Variants in OR14A16 observed in about 807,000 individuals in gnomAD.
OR14A16 encodes the protein olfactory receptor 14A16.
For synonymous variants in OR14A16, 135 were observed against 137.6 expected (o/e 0.98, Z 0.13); for missense variants, 341 against 366.5 (o/e 0.93, Z 0.57).
intron 1 of OR14A16, among the ~76,000 whole-genome samples, chr1:247,822,340 G>A (rs893106369): frequency 4.0e-5 from 6 of 148,554 alleles, no homozygotes; most frequent in African/African-American, 1.2e-4. Flanking sequence ...GGATGCTGGC[G>A]AAAACTAACA....
intron 1 of OR14A16, among the ~76,000 whole-genome samples, chr1:247,820,359 T>C (rs1662709751): frequency 6.6e-6 from 1 of 152,258 alleles, no homozygotes; most frequent in Non-Finnish European, 1.5e-5. Context: ...TGACTGGGTG[T>C]TTTTGTTGTT....
At position 247,815,614 on chromosome 1, in the gene OR14A16, C is replaced by G. The variant is rs778780443; in HGVS notation, c.116G>C (p.Gly39Ala). Reference sequence around the variant, plus strand: ...TGTGATCATGATAATGAGGACATTCCCCATCAGGGCACACAAATAAATCAA... The same window carrying G: ...TGTGATCATGATAATGAGGACATTCGCCATCAGGGCACACAAATAAATCAA... ...FLLIYLCALM[G>A]NVLIIMITTL... Residue 39 changes from glycine (G) to alanine (A), a missense_variant, in exon 3 of 3, where the codon GGG becomes GCG. Gly to Ala is a moderately conservative substitution (Grantham distance 60, BLOSUM62 0). Transcript: ENST00000641093. 1.2e-5 allele frequency: 20 copies of G among 1,612,210 alleles called. No individual in the cohort carries two copies. The highest frequency in any genetic ancestry group is 3.3e-5 in the Admixed American group (2 of 59,974).
chr1:247,818,123 A>C (rs79360971), intron 2 of OR14A16, among the ~76,000 whole-genome samples: 15,381 of 152,140 alleles, frequency 0.1, 1,279 homozygotes, highest in African/African-American at 0.23. Flanking sequence ...TTTTAACCCC[A>C]AAATTTTTAA....
rs771794004 is a variant in OR14A16 at position 247,814,901 on chromosome 1, T to G, written c.829A>C (p.Met277Leu). 3 of 1,613,944 alleles carry G rather than the reference T, an allele frequency of 1.9e-6. No homozygotes were observed. Among genetic ancestry groups the G allele is most frequent in the Admixed American group, 3.3e-5 (2 of 59,984 alleles). ...ATGGGATTAAAGGTTGGGGGCAGCA[T>G]AGTGTAGAACACAGAAATTACAGCA... ...LDAVISVFYT[M>L]LPPTFNPIIY... The change falls in exon 3 of 3, where the codon ATG (methionine) becomes CTG (leucine). Residue 277 changes from methionine to leucine, a missense_variant. Coordinates refer to ENST00000641093, the MANE Select transcript of OR14A16 (RefSeq NM_001001966.2).
At chr1:247,819,346 G>T (rs1425914173) in intron 1 of OR14A16, among the ~76,000 whole-genome samples, 169 bp from the exon 2 acceptor site, 1 of 151,872 alleles carries the variant, frequency 6.6e-6, no homozygotes, top group African/African-American at 2.4e-5. Context: ...AACACAGGTG[G>T]GGGTATAACA....
intron 2 of OR14A16, among the ~76,000 whole-genome samples, chr1:247,816,115 T>A (rs1334767382): frequency 6.6e-6 from 1 of 152,216 alleles, no homozygotes; most frequent in Non-Finnish European, 1.5e-5. Flanking sequence ...AACCAATGGC[T>A]ACTACATTGT....
At chr1:247,818,353 A>G (rs936573470) in intron 2 of OR14A16, among the ~76,000 whole-genome samples, 4 of 152,224 alleles carry the variant, frequency 2.6e-5, no homozygotes, top group African/African-American at 9.6e-5. Context: ...CTAAAAATAA[A>G]ACTACCATAT....
chr1:247,822,923 A>G (rs1261367565), intron 1 of OR14A16, among the ~76,000 whole-genome samples: 1 of 152,224 alleles, frequency 6.6e-6, no homozygotes, highest in Non-Finnish European at 1.5e-5. Context: ...CCAGAAGGGA[A>G]GCATATAAAA....
chr1:247,822,677 A>C (rs942224102), intron 1 of OR14A16, among the ~76,000 whole-genome samples: 1 of 152,200 alleles, frequency 6.6e-6, no homozygotes, highest in Admixed American at 6.5e-5. Context: ...CCTATTGGTT[A>C]TGCTTATCTG....
intron 2 of OR14A16, among the ~76,000 whole-genome samples, chr1:247,816,110 A>G (rs1350756525): frequency 6.6e-6 from 1 of 152,150 alleles, no homozygotes; most frequent in Non-Finnish European, 1.5e-5. Flanking sequence ...CAACAAACCA[A>G]TGGCTACTAC....
rs1460580041 is a variant in OR14A16 at position 247,815,611 on chromosome 1, T to C, written c.119A>G (p.Asn40Ser). 2.5e-6 allele frequency: 4 copies of C among 1,612,806 alleles called. No individual in the cohort carries two copies. Among genetic ancestry groups the C allele is most frequent in the South Asian group, 1.1e-5 (1 of 91,056 alleles). ...AGTTGTGATCATGATAATGAGGACA[T>C]TCCCCATCAGGGCACACAAATAAAT... is the stretch of plus-strand genomic sequence containing the variant. ...LLIYLCALMG[N>S]VLIIMITTLD... The change falls in exon 3 of 3, where the codon AAT becomes AGT. Residue 40 changes from asparagine (N) to serine (S), a missense_variant. Coordinates refer to ENST00000641093, the MANE Select transcript of OR14A16 (RefSeq NM_001001966.2).
rs1350183253 is a variant in OR14A16 at position 247,815,214 on chromosome 1, G to C, written c.516C>G (p.Val172=). 6.3e-7 allele frequency: 1 copy of C among 1,592,704 alleles called. No individual in the cohort carries two copies. Among genetic ancestry groups the C allele is most frequent in the African/African-American group, 1.4e-5 (1 of 73,676 alleles). Residue 172 remains valine (V), a synonymous_variant, in exon 3 of 3, where the codon GTC becomes GTG. Transcript: ENST00000641093. ...GGGGAATGTCACAGAAGAACTGATG[G>C]ACCATGTTGGACCCACAGTAGGATA... The part of the protein sequence containing the change: ...FSLSYCGSNM[V]HQFFCDIPQL...
chr1:247,815,568 G>A lies in OR14A16; in HGVS notation c.162C>T (p.His54=). ...TCTTCAAGAAGAAATACACGGGGGT[G>A]TGGAGATGATGGTCCAAAGTTGTGA... ...IMITTLDHHL[H]TPVYFFLKNL... The change falls in exon 3 of 3, where the codon CAC becomes CAT. Residue 54 remains histidine (H), a synonymous_variant. Coordinates refer to ENST00000641093, the MANE Select transcript of OR14A16 (RefSeq NM_001001966.2). The A allele has an allele frequency of 6.2e-7, 1 of 1,614,122 alleles. No homozygotes were observed. Among genetic ancestry groups the A allele is most frequent in the Non-Finnish European group, 8.5e-7 (1 of 1,179,968 alleles).
intron 1 of OR14A16, among the ~76,000 whole-genome samples, chr1:247,823,460 C>T (rs1274724356): frequency 6.6e-6 from 1 of 152,178 alleles, no homozygotes; most frequent in East Asian, 1.9e-4. Context: ...ATGATCATGA[C>T]ACTACACTCC....
At chr1:247,817,013 C>T (rs542695765) in intron 2 of OR14A16, among the ~76,000 whole-genome samples, 3 of 152,080 alleles carry the variant, frequency 2.0e-5, no homozygotes, top group Admixed American at 1.3e-4. Flanking sequence ...GGAGAAGGAT[C>T]GCCACATAAT....
rs546525575 is a variant in OR14A16, at chr1:247,814,883, T to A, written c.847A>T (p.Asn283Tyr). ...VFYTMLPPTFNPIIYSLRNKA... is the reference protein window; with the variant it reads ...VFYTMLPPTFYPIIYSLRNKA... Reference sequence around the variant, plus strand: ...TTTCTCAAACTGTATATAATGGGATTAAAGGTTGGGGGCAGCATAGTGTAG... The same window carrying A: ...TTTCTCAAACTGTATATAATGGGATAAAAGGTTGGGGGCAGCATAGTGTAG... Residue 283 changes from asparagine to tyrosine, a missense_variant, in exon 3 of 3, where the codon AAT becomes TAT. Transcript: ENST00000641093. 6.2e-7 allele frequency: 1 copy of A among 1,613,802 alleles called. No homozygotes were observed. Among genetic ancestry groups the A allele is most frequent in the East Asian group, 2.2e-5 (1 of 44,856 alleles).
intron 2 of OR14A16, among the ~76,000 whole-genome samples, chr1:247,816,863 C>CT (rs34258081): frequency 0.84 from 127,521 of 152,094 alleles, 55,215 homozygotes; most frequent in East Asian, 1. Context: ...CTCTTTCAAG[C>CT]TTTTTTCTCT....
Position 247,821,275 on chromosome 1 carries a change from C to T in OR14A16, c.-130-2098G>A, listed in dbSNP as rs1398132822. On this transcript the variant is annotated intron_variant, in intron 1 of 2. Coordinates refer to ENST00000641093, the MANE Select transcript of OR14A16 (RefSeq NM_001001966.2). ...ATGTTTGGGATGTGTCTGTTAGGTC[C>T]ATCTGGTCTAAAGTGTAGTTCAAGT... 2.6e-5 allele frequency among the ~76,000 whole-genome samples: 4 copies of T among 152,168 alleles called. No homozygotes were observed. The East Asian group carries it at 7.7e-4, about 29-fold the overall frequency.
At chr1:247,816,543 A>T (rs1662624946) in intron 2 of OR14A16, among the ~76,000 whole-genome samples, 1 of 152,128 alleles carries the variant, frequency 6.6e-6, no homozygotes, top group South Asian at 2.1e-4. Context: ...CCAGGACAAC[A>T]TGGCGAGACC....
Sources: gnomAD v4.1 joint callset for allele counts (sites outside exome capture counted in the v4.1 genomes callset) on GRCh38, gnomAD v4.1.1 for gene constraint, MANE v1.5 for transcripts, NCBI Gene and HGNC (gene_info 2026-07-23, HGNC 2026-07-21) for gene names.